The following PPARGC1A variants were observed in gnomAD, a reference collection of about 807,000 sequenced individuals.
The protein encoded by PPARGC1A is PPARG coactivator 1 alpha, also known as peroxisome proliferator-activated receptor gamma coactivator 1-alpha.
A neutral mutation model predicts 88.7 loss-of-function variants in PPARGC1A; 25 were observed. That is an observed-to-expected ratio of 0.28 (90% CI 0.21 to 0.39). The LOEUF is 0.39. Ranked by LOEUF, PPARGC1A falls within the 10% of genes least tolerant of loss-of-function variation. PPARGC1A has a pLI of 1.00. For missense variants in PPARGC1A, 880 were observed against 968.7 expected (o/e 0.91, Z 1.22); for synonymous variants, 363 against 355.6 (o/e 1.02, Z -0.24).
the PPARGC1A span, among the ~76,000 whole-genome samples, chr4:23,927,849 A>G: frequency 6.6e-6 from 1 of 152,214 alleles, no homozygotes; most frequent in Non-Finnish European, 1.5e-5. Flanking sequence ...ACAGAATTGT[A>G]TTATGACTCA....
At position 23,848,466 on chromosome 4, in the gene PPARGC1A, T is replaced by A. The variant is rs1199649995; in HGVS notation, c.235-16715A>T. Among the ~76,000 whole-genome samples, 3 of 152,200 alleles carry A rather than the reference T, an allele frequency of 2.0e-5. No individual in the cohort carries two copies. In the East Asian group the frequency reaches 5.8e-4, roughly 30 times the overall value. On this transcript the variant is annotated intron_variant, in intron 2 of 12. Coordinates refer to ENST00000264867, the MANE Select transcript of PPARGC1A (RefSeq NM_013261.5). ...AGTGGTTGTAGACAAACTTTCCAGG[T>A]CTGTTTGTGAGGATAATGTTAGCCA...
the PPARGC1A span, among the ~76,000 whole-genome samples, chr4:24,360,476 C>T: frequency 1.3e-5 from 2 of 152,132 alleles, no homozygotes; most frequent in African/African-American, 4.8e-5. Flanking sequence ...ATCTTTTCAA[C>T]CTTCATCACC....
chr4:24,381,328 C>A, the PPARGC1A span, among the ~76,000 whole-genome samples: 10 of 152,158 alleles, frequency 6.6e-5, no homozygotes, highest in African/African-American at 2.4e-4. Flanking sequence ...GAGAGTGTGG[C>A]AACTCTTTCC....
intron 2 of PPARGC1A, chr4:23,880,926 T>G (rs1417979879): frequency 6.6e-6 from 1 of 152,176 alleles, no homozygotes; most frequent in East Asian, 1.9e-4. Flanking sequence ...GTAGCTTCAT[T>G]CAGAAGTAAC....
the PPARGC1A span, among the ~76,000 whole-genome samples, chr4:24,331,674 A>G: frequency 1.3e-5 from 2 of 151,962 alleles, no homozygotes; most frequent in Non-Finnish European, 2.9e-5. Context: ...ATTTTCCCCT[A>G]TCATGTCAGT....
the PPARGC1A span, among the ~76,000 whole-genome samples, chr4:24,269,216 A>G: frequency 2.6e-5 from 4 of 152,314 alleles, no homozygotes; most frequent in South Asian, 6.2e-4. Flanking sequence ...AATATTTGAC[A>G]TAATGAATTT....
At chr4:23,860,956 A>G (rs565179701) in intron 2 of PPARGC1A, among the ~76,000 whole-genome samples, 1 of 152,288 alleles carries the variant, frequency 6.6e-6, no homozygotes, top group East Asian at 1.9e-4. Flanking sequence ...ATGTCAGGTA[A>G]TACCAGTTGC....
the PPARGC1A span, among the ~76,000 whole-genome samples, chr4:24,445,718 G>A: frequency 6.6e-6 from 1 of 152,252 alleles, no homozygotes; most frequent in Middle Eastern, 3.4e-3. Flanking sequence ...GCAGGAAGGG[G>A]ATGCCTTCAT....
chr4:24,333,940 CAAAAAAAAAAAAA>C, the PPARGC1A span, among the ~76,000 whole-genome samples: 1 of 13,830 alleles, frequency 7.2e-5, no homozygotes, highest in African/African-American at 1.9e-4. Context: ...ACAACAACAA[CAAAAAAAAAAAAA>C]AAAAAAAAAA....
chr4:24,323,071 C>T, the PPARGC1A span, among the ~76,000 whole-genome samples: 1 of 152,096 alleles, frequency 6.6e-6, no homozygotes, highest in Non-Finnish European at 1.5e-5. Context: ...CTGGGTGGCT[C>T]AACTGCTGGT....
chr4:23,888,809 C>G (rs543172114), intron 1 of PPARGC1A: 84 of 387,778 alleles, frequency 2.2e-4, no homozygotes, highest in African/African-American at 1.8e-3. Context: ...TTAATCAAAT[C>G]ACGTGTGGGC....
At chr4:24,293,214 C>T in the PPARGC1A span, among the ~76,000 whole-genome samples, 1 of 8,740 alleles carries the variant, frequency 1.1e-4, no homozygotes, top group Non-Finnish European at 2.7e-4. Flanking sequence ...CCTTCACCCC[C>T]ACCCTTTCCT....
At chr4:24,284,629 G>A in the PPARGC1A span, among the ~76,000 whole-genome samples, 1 of 152,168 alleles carries the variant, frequency 6.6e-6, no homozygotes, top group Admixed American at 6.5e-5. Flanking sequence ...CACAGACTTG[G>A]GGACAGCTCT....
the PPARGC1A span, among the ~76,000 whole-genome samples, chr4:24,401,069 A>T: frequency 1.9e-4 from 22 of 116,562 alleles, no homozygotes; most frequent in South Asian, 5.9e-4. Flanking sequence ...CCCAGGTTGG[A>T]GTGCAGTGGC....
the PPARGC1A span, among the ~76,000 whole-genome samples, chr4:24,072,397 G>C: frequency 6.6e-6 from 1 of 151,732 alleles, no homozygotes; most frequent in Admixed American, 6.6e-5. Flanking sequence ...GGAATTATGA[G>C]AGAAACAGGT....
At chr4:23,991,292 C>A in the PPARGC1A span, among the ~76,000 whole-genome samples, 1 of 152,070 alleles carries the variant, frequency 6.6e-6, no homozygotes, top group East Asian at 1.9e-4. Flanking sequence ...ATGTTTCTCA[C>A]CCTTATACTA....
At chr4:24,215,321 G>A in the PPARGC1A span, among the ~76,000 whole-genome samples, 3 of 152,224 alleles carry the variant, frequency 2.0e-5, no homozygotes, top group Non-Finnish European at 2.9e-5. Flanking sequence ...CGTGGGATAT[G>A]TAGTATGCTT....
chr4:23,948,156 T>G, the PPARGC1A span, among the ~76,000 whole-genome samples: 1 of 152,172 alleles, frequency 6.6e-6, no homozygotes. Context: ...ATTCATCTAT[T>G]CAACAAATGT....
chr4:24,238,640 T>C, the PPARGC1A span, among the ~76,000 whole-genome samples: 4 of 152,142 alleles, frequency 2.6e-5, no homozygotes, highest in Non-Finnish European at 4.4e-5. Flanking sequence ...AGTGATCAAA[T>C]GTACAAAAAG....
Sources: gnomAD v4.1 joint callset for allele counts (sites outside exome capture counted in the v4.1 genomes callset) on GRCh38, gnomAD v4.1.1 for gene constraint, MANE v1.5 for transcripts, NCBI Gene and HGNC (gene_info 2026-07-23, HGNC 2026-07-21) for gene names.